DAW1: variants seen among roughly 807,000 people sequenced by gnomAD.
DAW1 encodes dynein assembly factor with WD repeats 1.
In DAW1, 47 loss-of-function variants were observed where a neutral mutation model predicts 56.5. The ratio of observed to expected loss-of-function variants is 0.83; its 90% CI spans 0.66 to 1.06. The LOEUF (loss-of-function observed/expected upper bound fraction) is 1.06. Among genes scored for constraint, DAW1 ranks in the 50% least tolerant of loss-of-function variants. The pLI is 0.00. For synonymous variants in DAW1, 190 were observed against 179.0 expected (o/e 1.06, Z -0.49); for missense variants, 505 against 499.3 (o/e 1.01, Z -0.11).
intron 1 of DAW1, among the ~76,000 whole-genome samples, chr2:227,874,963 A>AAAACAAACAAAC (rs55786766): frequency 0.21 from 24,964 of 117,746 alleles, 2,268 homozygotes; most frequent in Middle Eastern, 0.28. Flanking sequence ...ACTCTGTCTC[A>AAAACAAACAAAC]AAACAAACAA....
chr2:227,907,778 C>G (rs189202309), intron 10 of DAW1, among the ~76,000 whole-genome samples: 1 of 152,196 alleles, frequency 6.6e-6, no homozygotes, highest in South Asian at 2.1e-4. Context: ...GAACTCCTGA[C>G]CTCAGATGAT....
At chr2:227,908,103 G>A (rs150504339) in intron 10 of DAW1, among the ~76,000 whole-genome samples, 1 of 152,294 alleles carries the variant, frequency 6.6e-6, no homozygotes, top group East Asian at 1.9e-4. Flanking sequence ...ACAGTCACAT[G>A]TGACACTACA....
At chr2:227,907,040 C>A in intron 9 of DAW1, 98 bp from the exon 10 acceptor site, 1 of 731,678 alleles carries the variant, frequency 1.4e-6, no homozygotes, top group South Asian at 2.0e-5. Flanking sequence ...AGTTATTTAA[C>A]CAGCCATAAG....
chr2:227,920,954 C>T (rs1432783676), intron 11 of DAW1, among the ~76,000 whole-genome samples: 2 of 152,144 alleles, frequency 1.3e-5, no homozygotes, highest in East Asian at 1.9e-4. Context: ...GCTGGGATTA[C>T]GGTCCTGAGC....
chr2:227,906,346 A>G lies in DAW1; in HGVS notation c.858+8A>G. The G allele has an allele frequency of 6.3e-7, 1 of 1,588,034 alleles. No individual in the cohort carries two copies. Among genetic ancestry groups the G allele is most frequent in the Non-Finnish European group, 8.6e-7 (1 of 1,159,578 alleles). On this transcript the variant is annotated splice_region_variant and intron_variant, in intron 9 of 12. Coordinates refer to ENST00000309931, the MANE Select transcript of DAW1 (RefSeq NM_178821.3). ...ATGGACAAAACCTGCAAGGTGAGCA[A>G]AATAAATAAATATCTTTGCTTTATA...
At chr2:227,889,121 G>A (rs918366009) in intron 2 of DAW1, among the ~76,000 whole-genome samples, 2 of 152,144 alleles carry the variant, frequency 1.3e-5, no homozygotes, top group South Asian at 4.1e-4. Flanking sequence ...ATGCTGCTGG[G>A]AACATTCAAT....
In DAW1 at chr2:227,893,618, G is replaced by A. The variant is rs181172884; in HGVS notation, c.318-177G>A. On this transcript the variant is annotated intron_variant, in intron 4 of 12. Transcript: ENST00000309931. ...ACCTGTGAGGTAGAGGTTGCAGTGC[G>A]CCGAGATCACGCCATTGCACTCCAG... is the stretch of plus-strand genomic sequence containing the variant. 2.6e-3 allele frequency among the ~76,000 whole-genome samples: 393 copies of A among 152,084 alleles called. 5 individuals carry two copies. The highest frequency in any genetic ancestry group is 6.9e-3 in the Middle Eastern group (2 of 290).
At chr2:227,895,535 A>C (rs964510364) in intron 5 of DAW1, 1 of 152,292 alleles carries the variant, frequency 6.6e-6, no homozygotes, top group Non-Finnish European at 1.5e-5. Flanking sequence ...AGAAGATGCC[A>C]GAAGGATGGA....
At chr2:227,876,499 G>A (rs1184417313) in intron 1 of DAW1, 14 of 1,301,686 alleles carry the variant, frequency 1.1e-5, no homozygotes, top group Non-Finnish European at 1.4e-5. Context: ...TAGCAGGTGG[G>A]TGTTTCAATA....
At chr2:227,919,894 C>T (rs925617904) in intron 11 of DAW1, among the ~76,000 whole-genome samples, 6 of 152,188 alleles carry the variant, frequency 3.9e-5, no homozygotes, top group African/African-American at 1.2e-4. Context: ...AACTCCGCCC[C>T]AGGCTGTACT....
At chr2:227,917,138 A>G (rs1715849) in intron 10 of DAW1, among the ~76,000 whole-genome samples, 1,466 of 98,082 alleles carry the variant, frequency 0.015, 17 homozygotes, top group East Asian at 0.048. Context: ...CTATCTATCT[A>G]TCTATCTGTC....
chr2:227,885,493 G>C (rs902843197), intron 2 of DAW1, 70 bp downstream of exon 2: 184 of 1,184,204 alleles, frequency 1.6e-4, no homozygotes, highest in Non-Finnish European at 2.0e-4. Context: ...ATGTGTGGAT[G>C]AGCTGCATAA....
intron 10 of DAW1, among the ~76,000 whole-genome samples, chr2:227,916,779 C>T (rs1028028277): frequency 2.0e-5 from 3 of 152,170 alleles, no homozygotes; most frequent in African/African-American, 7.2e-5. Flanking sequence ...AGTGATCACA[C>T]ATCAGGCTAT....
chr2:227,920,656 A>T (rs1029307668), intron 11 of DAW1, among the ~76,000 whole-genome samples: 13 of 151,970 alleles, frequency 8.6e-5, no homozygotes, highest in African/African-American at 2.2e-4. Flanking sequence ...TTTTTAAAAA[A>T]TTTTTATTTA....
At chr2:227,873,063 A>G (rs779767559) in intron 1 of DAW1, among the ~76,000 whole-genome samples, 4 of 151,974 alleles carry the variant, frequency 2.6e-5, no homozygotes, top group Non-Finnish European at 5.9e-5. Context: ...CCCTCACTAT[A>G]CTTCTGACTT....
Position 227,889,849 on chromosome 2 carries a change from A to G in DAW1, c.114-7A>G, listed in dbSNP as rs778249285. ...ATAAAAGAAACTCTTTTTTGGGTGT[A>G]TTTCAGCACTGATGTCAGTGCGTTA... On this transcript the variant is annotated splice_polypyrimidine_tract_variant and splice_region_variant and intron_variant, in intron 2 of 12. Transcript: ENST00000309931. The G allele has an allele frequency of 6.4e-7, 1 of 1,556,292 alleles. No homozygotes were observed. Among genetic ancestry groups the G allele is most frequent in the South Asian group, 1.2e-5 (1 of 81,258 alleles).
intron 10 of DAW1, among the ~76,000 whole-genome samples, chr2:227,917,367 T>A (rs1331289029): frequency 2.0e-5 from 3 of 151,966 alleles, no homozygotes; most frequent in Non-Finnish European, 4.4e-5. Flanking sequence ...TTCATGCCAT[T>A]CTCCTGCCTC....
rs535616659 is a variant in DAW1, at chr2:227,878,511, C to T, written c.40+6782C>T. ...CTGAGGCAGGAGGATGGCTTGAGCC[C>T]AGGAGTTGAAGACCAGCCTGAGAAA... On this transcript the variant is annotated intron_variant, in intron 1 of 12. Transcript: ENST00000309931. Among the ~76,000 whole-genome samples, 131 of 152,262 alleles carry T rather than the reference C, an allele frequency of 8.6e-4. 2 individuals carry two copies. The highest frequency in any genetic ancestry group is 1.9e-4 in the Non-Finnish European group (13 of 68,020).
In DAW1 at chr2:227,921,581, C is replaced by T. The variant is rs1490875522; in HGVS notation, c.1213+20C>T. The T allele has an allele frequency of 1.3e-6, 2 of 1,592,072 alleles. No homozygotes were observed. The highest frequency in any genetic ancestry group is 1.7e-6 in the Non-Finnish European group (2 of 1,166,694). On this transcript the variant is annotated intron_variant, in intron 12 of 12. Coordinates refer to ENST00000309931, the MANE Select transcript of DAW1 (RefSeq NM_178821.3). ...TTACAGGTATGGAAGACATCAACAC[C>T]ATAGACTCATTTTTTCTTGATTGGC...
Sources: gnomAD v4.1 joint callset for allele counts (sites outside exome capture counted in the v4.1 genomes callset) on GRCh38, gnomAD v4.1.1 for gene constraint, MANE v1.5 for transcripts, NCBI Gene and HGNC (gene_info 2026-07-23, HGNC 2026-07-21) for gene names.